FUT9: variants seen among roughly 807,000 people sequenced by gnomAD.
The protein encoded by FUT9 is fucosyltransferase 9, also known as 4-galactosyl-N-acetylglucosaminide 3-alpha-L-fucosyltransferase 9.
A neutral mutation model predicts 29.7 loss-of-function variants in FUT9; 15 were observed. The observed-to-expected ratio is 0.51, with a 90% CI of 0.34 to 0.78. The LOEUF (loss-of-function observed/expected upper bound fraction) is 0.78. Among genes scored for constraint, FUT9 ranks in the 30% least tolerant of loss-of-function variants. The probability of loss-of-function intolerance (pLI) is 0.01; values close to 1 mark genes in which losing one functional copy is unlikely to be tolerated. For synonymous variants in FUT9, 169 were observed against 153.7 expected (o/e 1.10, Z -0.74); for missense variants, 319 against 425.4 (o/e 0.75, Z 2.20).
At chr6:96,196,650 T>C (rs1441487994) in intron 2 of FUT9, among the ~76,000 whole-genome samples, 1 of 151,932 alleles carries the variant, frequency 6.6e-6, no homozygotes, top group East Asian at 1.9e-4. Flanking sequence ...AGGCAGAGGT[T>C]ACAGTGAGCT....
intron 1 of FUT9, among the ~76,000 whole-genome samples, chr6:96,088,335 T>C (rs939102230): frequency 1.1e-4 from 17 of 152,248 alleles, no homozygotes; most frequent in African/African-American, 3.8e-4. Context: ...TATAGTTTCC[T>C]AATGCTTCTT....
intron 1 of FUT9, among the ~76,000 whole-genome samples, chr6:96,097,737 C>T (rs535411500): frequency 5.9e-5 from 9 of 152,096 alleles, no homozygotes; most frequent in East Asian, 1.9e-4. Flanking sequence ...ATAAAAAATA[C>T]GGCTCAAATT....
chr6:96,169,451 T>C (rs920776526), intron 2 of FUT9, among the ~76,000 whole-genome samples: 5 of 152,196 alleles, frequency 3.3e-5, no homozygotes, highest in Non-Finnish European at 2.9e-5. Context: ...GAAACAATCA[T>C]AATTCTCAGA....
intron 2 of FUT9, among the ~76,000 whole-genome samples, chr6:96,196,379 T>C (rs907080398): frequency 4.6e-5 from 7 of 152,174 alleles, no homozygotes; most frequent in African/African-American, 1.7e-4. Flanking sequence ...GACAGTCATA[T>C]GGAAATGTGA....
At chr6:96,164,432 G>A (rs4840230) in intron 2 of FUT9, among the ~76,000 whole-genome samples, 138,891 of 151,918 alleles carry the variant, frequency 0.91, 64,782 homozygotes, top group Non-Finnish European at 1. Context: ...CTAATTTTTT[G>A]TATTTGTAGC....
chr6:96,128,979 C>G (rs539042430), intron 2 of FUT9, among the ~76,000 whole-genome samples: 2 of 151,500 alleles, frequency 1.3e-5, no homozygotes, highest in African/African-American at 4.9e-5. Flanking sequence ...AAATAGCCAC[C>G]GGGTGTGGTG....
Position 96,094,674 on chromosome 6 carries a change from T to A in FUT9, c.-97-19365T>A, listed in dbSNP as rs180907868. Among the ~76,000 whole-genome samples the A allele has an allele frequency of 1.3e-4, 20 of 152,296 alleles. No individual in the cohort carries two copies. The East Asian group carries it at 3.9e-3, about 29-fold the overall frequency. ...CTCAAAAAGTTCTGACAATGTTTTT[T>A]AATAAAGAAATAGCTTTTTTATTGC... On this transcript the variant is annotated intron_variant, in intron 1 of 2. Coordinates refer to ENST00000302103, the MANE Select transcript of FUT9 (RefSeq NM_006581.4).
At chr6:96,062,589 A>T (rs1206091962) in intron 1 of FUT9, among the ~76,000 whole-genome samples, 2 of 152,134 alleles carry the variant, frequency 1.3e-5, no homozygotes, top group Non-Finnish European at 2.9e-5. Flanking sequence ...TATGATAGAT[A>T]GATAAATAGA....
intron 2 of FUT9, among the ~76,000 whole-genome samples, chr6:96,121,663 T>TA (rs957985037): frequency 1.3e-5 from 2 of 152,166 alleles, no homozygotes; most frequent in African/African-American, 4.8e-5. Context: ...CTCTTCATAT[T>TA]AAAAAATTAA....
chr6:96,162,514 T>C (rs1024553349), intron 2 of FUT9, among the ~76,000 whole-genome samples: 2 of 152,176 alleles, frequency 1.3e-5, no homozygotes, highest in Non-Finnish European at 2.9e-5. Context: ...CCTTACCCTT[T>C]CCAGTCTCTA....
chr6:96,039,622 T>C (rs1329655195), intron 1 of FUT9, among the ~76,000 whole-genome samples: 2 of 152,066 alleles, frequency 1.3e-5, no homozygotes, highest in African/African-American at 4.8e-5. Flanking sequence ...TCACAGGGGC[T>C]TCCTCAGTCA....
At chr6:96,187,237 T>C (rs1773421563) in intron 2 of FUT9, among the ~76,000 whole-genome samples, 1 of 152,116 alleles carries the variant, frequency 6.6e-6, no homozygotes, top group Non-Finnish European at 1.5e-5. Context: ...AGGGAAATGT[T>C]CTGGAAGAGA....
chr6:96,089,567 C>G (rs1771376517), intron 1 of FUT9, among the ~76,000 whole-genome samples: 1 of 152,142 alleles, frequency 6.6e-6, no homozygotes, highest in African/African-American at 2.4e-5. Context: ...ATCCATATTC[C>G]TGCATTGTGA....
intron 1 of FUT9, among the ~76,000 whole-genome samples, chr6:96,018,926 T>C (rs1163402776): frequency 6.6e-6 from 1 of 151,914 alleles, no homozygotes; most frequent in Non-Finnish European, 1.5e-5. Flanking sequence ...TTAGTTACCT[T>C]ATTTGATTCT....
chr6:96,214,098 A>G lies in FUT9; in HGVS notation c.*9863A>G, dbSNP rs540619615. The G allele has an allele frequency of 6.0e-6, 1 of 167,058 alleles. No homozygotes were observed. Among genetic ancestry groups the G allele is most frequent in the South Asian group, 2.1e-4 (1 of 4,822 alleles). The allele number at this position is 167,058 out of a possible 1,614,324, so 10.3% of individuals were successfully genotyped here. On this transcript the variant is annotated 3_prime_UTR_variant, in exon 3 of 3. Transcript: ENST00000302103. The stretch of plus-strand genomic sequence containing the variant: ...CGTTTCTTTTTTCTAACTGCAGCAT[A>G]TTGTGGTAAATTTTCTCCCAAAACT...
chr6:96,055,607 T>C (rs927278481), intron 1 of FUT9, among the ~76,000 whole-genome samples: 5 of 152,122 alleles, frequency 3.3e-5, no homozygotes, highest in Admixed American at 6.5e-5. Flanking sequence ...TGGGGGTTTG[T>C]TGTACCGGTT....
At chr6:96,192,512 T>C (rs1221388817) in intron 2 of FUT9, among the ~76,000 whole-genome samples, 2 of 152,088 alleles carry the variant, frequency 1.3e-5, no homozygotes. Flanking sequence ...GAAGGACCTC[T>C]TCAAGGACAA....
intron 2 of FUT9, among the ~76,000 whole-genome samples, chr6:96,117,674 A>G (rs376434866): frequency 1.6e-4 from 24 of 152,348 alleles, no homozygotes; most frequent in South Asian, 4.1e-4. Flanking sequence ...AGGATGGAGC[A>G]TCTACATAGA....
intron 2 of FUT9, among the ~76,000 whole-genome samples, chr6:96,178,286 T>C (rs1413008536): frequency 1.3e-5 from 2 of 152,200 alleles, no homozygotes; most frequent in Non-Finnish European, 2.9e-5. Flanking sequence ...TTTGAATTCA[T>C]TTTGAATTCT....
Sources: allele counts gnomAD v4.1 joint callset (sites outside exome capture counted in the v4.1 genomes callset), GRCh38; gene constraint gnomAD v4.1.1; transcripts MANE v1.5; gene names NCBI Gene and HGNC (gene_info 2026-07-23, HGNC 2026-07-21).